The following CSMD3 variants were observed in gnomAD, a reference collection of about 807,000 sequenced individuals.
The protein encoded by CSMD3 is CUB and Sushi multiple domains 3, also known as CUB and sushi domain-containing protein 3.
CSMD3 carries 177 observed loss-of-function variants against 435.2 expected under a neutral mutation model. That is an observed-to-expected ratio of 0.41 (90% CI 0.36 to 0.46). The LOEUF is 0.46. CSMD3 is among the 20% of genes least tolerant of loss of function. The probability of loss-of-function intolerance (pLI) is 0.34; values close to 1 mark genes in which losing one functional copy is unlikely to be tolerated. For synonymous variants in CSMD3, 1,656 were observed against 1,520.5 expected (o/e 1.09, Z -2.07); for missense variants, 4,265 against 4,504.6 (o/e 0.95, Z 1.52).
chr8:113,049,572 C>T lies in CSMD3; in HGVS notation c.918-30393G>A, dbSNP rs2087996126. The stretch of plus-strand genomic sequence containing the variant: ...AGGAAACATAAAATCACAGCAGACA[C>T]ACACAAAAAAGCAGATCAATAAATA... On this transcript the variant is annotated intron_variant, in intron 5 of 70. Transcript: ENST00000297405. Among the ~76,000 whole-genome samples, 5 of 152,072 alleles carry T rather than the reference C, an allele frequency of 3.3e-5. No homozygotes were observed. In the South Asian group the frequency reaches 1.0e-3, roughly 32 times the overall value.
intron 11 of CSMD3, among the ~76,000 whole-genome samples, chr8:112,855,088 A>G (rs1320031733): frequency 6.6e-6 from 1 of 152,214 alleles, no homozygotes; most frequent in South Asian, 2.1e-4. Context: ...TGCCAAATGC[A>G]TGTTGAAATC....
rs187759015 is a variant in CSMD3 at position 112,885,469 on chromosome 8, A to C, written c.1634-26203T>G. On this transcript the variant is annotated intron_variant, in intron 10 of 70. Transcript: ENST00000297405. The stretch of plus-strand genomic sequence containing the variant: ...TAAAATATCATGAAATATTTAAGGT[A>C]ATGCTGTAAGACTTGCCACTGAAAA... 2.0e-3 allele frequency among the ~76,000 whole-genome samples: 302 copies of C among 151,758 alleles called. 2 individuals are homozygous for C. Among genetic ancestry groups the C allele is most frequent in the Non-Finnish European group, 1.4e-3 (95 of 67,798 alleles).
At chr8:112,357,190 T>C (rs1391596428) in intron 38 of CSMD3, among the ~76,000 whole-genome samples, 1 of 152,104 alleles carries the variant, frequency 6.6e-6, no homozygotes, top group Non-Finnish European at 1.5e-5. Flanking sequence ...GAGGAACTTG[T>C]TGGGAACTGA....
At chr8:112,692,093 G>A (rs2076150187) in intron 13 of CSMD3, among the ~76,000 whole-genome samples, 1 of 152,008 alleles carries the variant, frequency 6.6e-6, no homozygotes, top group African/African-American at 2.4e-5. Flanking sequence ...GTGAGCCACT[G>A]CGCCCGGCAA....
intron 32 of CSMD3, among the ~76,000 whole-genome samples, chr8:112,457,023 T>A (rs1188138549): frequency 1.3e-5 from 2 of 152,130 alleles, no homozygotes; most frequent in African/African-American, 2.4e-5. Context: ...CTGATTTATA[T>A]GTCATGAGAT....
At chr8:112,695,877 A>G (rs1423913687) in intron 13 of CSMD3, among the ~76,000 whole-genome samples, 1 of 152,226 alleles carries the variant, frequency 6.6e-6, no homozygotes, top group Non-Finnish European at 1.5e-5. Context: ...AAGCAAATTC[A>G]GCAAAGTCTC....
chr8:112,776,259 C>T (rs2078243623), intron 13 of CSMD3, among the ~76,000 whole-genome samples: 1 of 151,812 alleles, frequency 6.6e-6, no homozygotes, highest in Middle Eastern at 3.4e-3. Context: ...AAGGTTCTTA[C>T]CCAATGTTGC....
rs535632013 is a variant in CSMD3, at chr8:113,044,562, C to T, written c.918-25383G>A. On this transcript the variant is annotated intron_variant, in intron 5 of 70. Transcript: ENST00000297405. ...TTTTCACTACAAATAAGTAAAATGCCAAAAATTTAGTCATTTCCTTAAAAT... is the reference window on the plus strand; with the variant it reads ...TTTTCACTACAAATAAGTAAAATGCTAAAAATTTAGTCATTTCCTTAAAAT... Among the ~76,000 whole-genome samples, 52 of 148,946 alleles carry T rather than the reference C, an allele frequency of 3.5e-4. 1 individual carries two copies. The Middle Eastern group carries it at 0.021, about 59-fold the overall frequency.
intron 12 of CSMD3, among the ~76,000 whole-genome samples, chr8:112,820,736 A>G (rs1587390268): frequency 6.6e-6 from 1 of 151,228 alleles, no homozygotes; most frequent in Non-Finnish European, 1.5e-5. Context: ...GGTTTGATGC[A>G]CCTATCAAGC....
chr8:112,682,828 G>A (rs1185271220), intron 15 of CSMD3, among the ~76,000 whole-genome samples, 192 bp from the exon 16 acceptor site: 2 of 151,968 alleles, frequency 1.3e-5, no homozygotes, highest in Non-Finnish European at 1.5e-5. Context: ...CCTGTGATGT[G>A]CAATAAATGT....
chr8:113,411,024 A>G (rs974125734), intron 1 of CSMD3, among the ~76,000 whole-genome samples: 2 of 151,880 alleles, frequency 1.3e-5, no homozygotes, highest in African/African-American at 2.4e-5. Flanking sequence ...AAAAATAAAG[A>G]AAGAAAAAGA....
intron 1 of CSMD3, among the ~76,000 whole-genome samples, chr8:113,398,606 G>A (rs1439838658): frequency 6.6e-6 from 1 of 152,082 alleles, no homozygotes; most frequent in Non-Finnish European, 1.5e-5. Flanking sequence ...TTCCACTAAT[G>A]TTATTTTCAT....
intron 53 of CSMD3, among the ~76,000 whole-genome samples, chr8:112,297,301 G>T (rs1313456470): frequency 6.8e-6 from 1 of 147,008 alleles, no homozygotes; most frequent in Non-Finnish European, 1.5e-5. Flanking sequence ...TGATTATAAA[G>T]GACCAAAGTA....
At chr8:113,065,305 T>C (rs1313314962) in intron 5 of CSMD3, among the ~76,000 whole-genome samples, 7 of 152,186 alleles carry the variant, frequency 4.6e-5, no homozygotes, top group Non-Finnish European at 1.0e-4. Context: ...ATGAAAGTTA[T>C]AAGTACATGA....
intron 1 of CSMD3, among the ~76,000 whole-genome samples, chr8:113,401,547 T>C (rs985319563): frequency 6.6e-6 from 1 of 151,670 alleles, no homozygotes; most frequent in Admixed American, 6.6e-5. Flanking sequence ...GTGATCCAAA[T>C]GCCAATGCCA....
intron 60 of CSMD3, 35 bp downstream of exon 60, chr8:112,265,376 A>G (rs996800915): frequency 4.0e-6 from 6 of 1,499,142 alleles, no homozygotes; most frequent in Non-Finnish European, 4.6e-6. Context: ...TGTACTGGTT[A>G]CCATTTTTAA....
chr8:112,291,511 G>A lies in CSMD3; in HGVS notation c.8973C>T (p.Ile2991=). ...GQWDKPLPEC[I]MIDCGHPGVP... Reference sequence around the variant, plus strand: ...AAACAATTCACATTATCTACTTACTGATACATTCTGGTAAAGGTTTGTCCC... The same window carrying A: ...AAACAATTCACATTATCTACTTACTAATACATTCTGGTAAAGGTTTGTCCC... Residue 2991 remains isoleucine, a splice_region_variant and synonymous_variant, in exon 56 of 71, where the codon ATC becomes ATT. Coordinates refer to ENST00000297405, the MANE Select transcript of CSMD3 (RefSeq NM_198123.2). The A allele has an allele frequency of 6.3e-7, 1 of 1,591,994 alleles. No homozygotes were observed. Among genetic ancestry groups the A allele is most frequent in the South Asian group, 1.1e-5 (1 of 90,634 alleles).
At chr8:113,295,773 T>C (rs1470297076) in intron 2 of CSMD3, among the ~76,000 whole-genome samples, 2 of 152,088 alleles carry the variant, frequency 1.3e-5, no homozygotes, top group African/African-American at 4.8e-5. Context: ...GAAATACCAT[T>C]TGACCCAGCC....
At chr8:113,403,615 G>A (rs976335271) in intron 1 of CSMD3, among the ~76,000 whole-genome samples, 1 of 151,218 alleles carries the variant, frequency 6.6e-6, no homozygotes, top group Non-Finnish European at 1.5e-5. Flanking sequence ...AATTCTAAAG[G>A]GAAAGCAATT....
Sources: gnomAD v4.1 joint callset for allele counts (sites outside exome capture counted in the v4.1 genomes callset) on GRCh38, gnomAD v4.1.1 for gene constraint, MANE v1.5 for transcripts, NCBI Gene and HGNC (gene_info 2026-07-23, HGNC 2026-07-21) for gene names.